Variants in SBNO2 observed in about 807,000 individuals in gnomAD.
SBNO2 encodes strawberry notch homolog 2.
A neutral mutation model predicts 146.3 loss-of-function variants in SBNO2; 89 were observed. That is an observed-to-expected ratio of 0.61 (90% CI 0.51 to 0.73). The LOEUF (loss-of-function observed/expected upper bound fraction) is 0.73, where lower values mean the gene tolerates loss of function less well. Ranked by LOEUF, SBNO2 falls within the 30% of genes least tolerant of loss-of-function variation. The pLI is 0.00. For missense variants in SBNO2, 2,092 were observed against 2,003.7 expected, an observed-to-expected ratio of 1.04 and a Z score of -0.84; for synonymous variants, 1,147 against 892.6, an observed-to-expected ratio of 1.29 and a Z score of -5.08.
intron 2 of SBNO2, among the ~76,000 whole-genome samples, chr19:1,151,429 A>C (rs539274467): frequency 1.3e-5 from 2 of 152,132 alleles, no homozygotes; most frequent in African/African-American, 2.4e-5. Context: ...CTATCCCCCT[A>C]GTCTCCTCCC....
At position 1,147,433 on chromosome 19, in the gene SBNO2, G is replaced by GGGC. The variant is rs1568616697; in HGVS notation, c.168-14_168-13insGCC. On this transcript the variant is annotated splice_polypyrimidine_tract_variant and intron_variant, in intron 3 of 31. Transcript: ENST00000361757. ...GCTCATGAACGGGCTGGAGGGAGATGGGGGGGGGGGAGGTGAGATGGGGTG... is the reference window on the plus strand; with the variant it reads ...GCTCATGAACGGGCTGGAGGGAGATGGGCGGGGGGGGGGAGGTGAGATGGGGTG... 1 of 465,402 alleles carries GGGC rather than the reference G, an allele frequency of 2.1e-6. No homozygotes were observed. Among genetic ancestry groups the GGGC allele is most frequent in the African/African-American group, 3.2e-5 (1 of 31,714 alleles). 28.8% of individuals were successfully genotyped at this position (465,402 alleles called of 1,614,324 possible).
intron 4 of SBNO2, among the ~76,000 whole-genome samples, chr19:1,139,657 C>T (rs933678280): frequency 1.3e-5 from 2 of 151,994 alleles, no homozygotes; most frequent in East Asian, 1.9e-4. Context: ...CAGCTGGGCG[C>T]GGTGGCGCAC....
intron 1 of SBNO2, among the ~76,000 whole-genome samples, chr19:1,163,534 G>A (rs1456011541): frequency 6.6e-6 from 1 of 152,212 alleles, no homozygotes; most frequent in African/African-American, 2.4e-5. Context: ...CGACTCCCGT[G>A]AGCACGAGGA....
Position 1,157,629 on chromosome 19 carries a change from C to T in SBNO2, c.-126-3227G>A, listed in dbSNP as rs936455993. On this transcript the variant is annotated intron_variant, in intron 1 of 31. Transcript: ENST00000361757. This position sits in a 1 kb window ranked among gnomAD's most constrained non-coding sequence, Gnocchi z 6.8. ...GGAGGGGGCCCGCGCTTTATCAGCACGCTGACACCCAGAGGGGATGTGGCT... is the reference window on the plus strand; with the variant it reads ...GGAGGGGGCCCGCGCTTTATCAGCATGCTGACACCCAGAGGGGATGTGGCT... 3.9e-5 allele frequency among the ~76,000 whole-genome samples: 6 copies of T among 152,224 alleles called. No homozygotes were observed. Among genetic ancestry groups the T allele is most frequent in the African/African-American group, 9.6e-5 (4 of 41,460 alleles).
chr19:1,159,924 G>C (rs2080328392), intron 1 of SBNO2, among the ~76,000 whole-genome samples: 1 of 151,992 alleles, frequency 6.6e-6, no homozygotes, highest in African/African-American at 2.4e-5. Flanking sequence ...TGGCAGAGGA[G>C]GGGGCCAGGG....
intron 1 of SBNO2, among the ~76,000 whole-genome samples, chr19:1,160,043 G>A (rs2080329517): frequency 6.6e-6 from 1 of 152,092 alleles, no homozygotes; most frequent in South Asian, 2.1e-4. Context: ...GCCCCGCCAC[G>A]CGGCCACATT....
rs373237934 is a variant in SBNO2 at position 1,123,546 on chromosome 19, C to G, written c.616G>C (p.Val206Leu). The change falls in exon 7 of 32, where the codon GTG becomes CTG. Residue 206 changes from valine (V) to leucine (L), a missense_variant. Transcript: ENST00000361757. ...LGHTETYADY[V>L]PSKSKIGKQH... ...CCGGGCCACTCACACTTGGACGGCA[C>G]GTAGTCGGCGTAGGTCTCTGTGTGC... 5 of 1,613,302 alleles carry G rather than the reference C, an allele frequency of 3.1e-6. No homozygotes were observed. The highest frequency in any genetic ancestry group is 1.6e-4 in the Middle Eastern group (1 of 6,082).
intron 4 of SBNO2, 80 bp from the exon 5 acceptor site, chr19:1,127,845 G>A: frequency 7.4e-7 from 1 of 1,354,392 alleles, no homozygotes. Flanking sequence ...CGTGGGGATG[G>A]GAGACACCAC....
intron 1 of SBNO2, among the ~76,000 whole-genome samples, chr19:1,172,886 C>T (rs2080494309): frequency 6.6e-6 from 1 of 151,620 alleles, no homozygotes; most frequent in Non-Finnish European, 1.5e-5. Context: ...CCTATCCCGT[C>T]CCGTCCCAGC....
chr19:1,109,927 G>A lies in SBNO2; in HGVS notation c.3029-150C>T, dbSNP rs1011807172. 1.5e-4 allele frequency: 92 copies of A among 628,560 alleles called. No homozygotes were observed. Among genetic ancestry groups the A allele is most frequent in the Admixed American group, 2.4e-4 (8 of 33,642 alleles). The allele number at this position is 628,560 out of a possible 1,614,324, so 38.9% of individuals were successfully genotyped here. On this transcript the variant is annotated intron_variant, in intron 26 of 31. Transcript: ENST00000361757. The surrounding 1 kb of genome is among the most constrained non-coding windows in gnomAD (Gnocchi z 4.2). Reference sequence around the variant, plus strand: ...GGATCCTGGCCTGACCTGGCCCAGCGTGGGGATGGTGCACGTGGGCCCCAA... The same window carrying A: ...GGATCCTGGCCTGACCTGGCCCAGCATGGGGATGGTGCACGTGGGCCCCAA...
intron 23 of SBNO2, 42 bp from the exon 24 acceptor site, chr19:1,111,656 G>A (rs1312548486): frequency 3.4e-6 from 5 of 1,470,318 alleles, no homozygotes; most frequent in Non-Finnish European, 4.7e-6. Flanking sequence ...CCAGGGAGGA[G>A]GCTGGCTTTC....
At chr19:1,147,286 C>A (rs528543378) in intron 4 of SBNO2, 23 bp downstream of exon 4, 7 of 1,511,880 alleles carry the variant, frequency 4.6e-6, no homozygotes, top group Non-Finnish European at 6.3e-6. Flanking sequence ...CCCCACGGCG[C>A]GGTGAGCTCC....
Position 1,108,634 on chromosome 19 carries a change from C to T in SBNO2, c.3687G>A (p.Lys1229=), listed in dbSNP as rs1275776970. 3.4e-6 allele frequency: 5 copies of T among 1,484,974 alleles called. No individual in the cohort carries two copies. The highest frequency in any genetic ancestry group is 1.3e-5 in the South Asian group (1 of 78,588). The allele number at this position is 1,484,974 out of a possible 1,614,324, so 92.0% of individuals were successfully genotyped here. A position where few individuals can be genotyped will look rare whatever the true frequency, so the allele number is the denominator to read the frequency against. ...AGCCCAGGGCGGGCGCCTGCCTGCG[C>T]TTCACGTCCGCATCCATCAGCCGCA... ...QELRLMDADV[K]RRQAPALGCP... The change falls in exon 32 of 32, where the codon AAG becomes AAA. Residue 1229 remains lysine, a synonymous_variant. Transcript: ENST00000361757.
chr19:1,109,745 C>T lies in SBNO2; in HGVS notation c.3061G>A (p.Glu1021Lys). The T allele has an allele frequency of 2.5e-6, 4 of 1,604,434 alleles. No homozygotes were observed. Among genetic ancestry groups the T allele is most frequent in the Non-Finnish European group, 3.4e-6 (4 of 1,174,480 alleles). The stretch of plus-strand genomic sequence containing the variant: ...GGAGCCAGGAACACCTGCTGGCTCT[C>T]CTCGTAGATCTCCTCGATACCGGGA... ...LAPGIEEIYE[E>K]SQQVFLAPGH... The change falls in exon 27 of 32, where the codon GAG becomes AAG. Residue 1021 changes from glutamate (E) to lysine (K), a missense_variant. Glu to Lys is a moderately conservative substitution (Grantham distance 56, BLOSUM62 1). Transcript: ENST00000361757. This position sits in a 1 kb window ranked among gnomAD's most constrained non-coding sequence, Gnocchi z 4.2.
At chr19:1,117,270 T>G in intron 15 of SBNO2, 53 bp downstream of exon 15, 1 of 1,497,666 alleles carries the variant, frequency 6.7e-7, no homozygotes, top group Non-Finnish European at 9.0e-7. Flanking sequence ...AAGAGCAGCC[T>G]CCGCCCCTGC....
intron 3 of SBNO2, among the ~76,000 whole-genome samples, chr19:1,148,170 G>A (rs1427767049): frequency 6.6e-6 from 1 of 152,054 alleles, no homozygotes; most frequent in South Asian, 2.1e-4. Flanking sequence ...TCTCTGCCCA[G>A]TGGGAGCCGG....
chr19:1,170,309 C>G (rs772875975), intron 1 of SBNO2, among the ~76,000 whole-genome samples: 1 of 152,180 alleles, frequency 6.6e-6, no homozygotes, highest in Non-Finnish European at 1.5e-5. Context: ...CACCTCCCAG[C>G]AGGGAGGCAA....
intron 4 of SBNO2, among the ~76,000 whole-genome samples, chr19:1,135,801 C>A (rs546610369): frequency 1.3e-5 from 2 of 151,984 alleles, no homozygotes; most frequent in South Asian, 2.1e-4. Flanking sequence ...GGGGGGCAGA[C>A]AGAAGAGGCT....
At chr19:1,131,225 G>T (rs2080024541) in intron 4 of SBNO2, among the ~76,000 whole-genome samples, 1 of 152,130 alleles carries the variant, frequency 6.6e-6, no homozygotes, top group African/African-American at 2.4e-5. Context: ...CCTCAGCTCA[G>T]CGGACCCAGT....
Sources: allele counts gnomAD v4.1 joint callset (sites outside exome capture counted in the v4.1 genomes callset), GRCh38; gene constraint gnomAD v4.1.1; non-coding constraint Gnocchi (gnomAD v3.1); transcripts MANE v1.5; gene names NCBI Gene and HGNC (gene_info 2026-07-23, HGNC 2026-07-21).